MYBPC2: variants seen among roughly 807,000 people sequenced by gnomAD.
MYBPC2 encodes myosin-binding protein C, fast-type.
Under a neutral mutation model 137.0 loss-of-function variants are expected in MYBPC2, and 122 were observed. The observed-to-expected ratio is 0.89, with a 90% CI of 0.77 to 1.03. The LOEUF (loss-of-function observed/expected upper bound fraction) is 1.03. Among genes scored for constraint, MYBPC2 ranks in the 50% least tolerant of loss-of-function variants. The pLI, the probability that MYBPC2 is intolerant of heterozygous loss-of-function variation, is 0.00. For synonymous variants in MYBPC2, 626 were observed against 612.3 expected (o/e 1.02, Z -0.33); for missense variants, 1,500 against 1,534.4 (o/e 0.98, Z 0.37).
At position 50,465,024 on chromosome 19, in the gene MYBPC2, C is replaced by G. The variant is rs1213374245; in HGVS notation, c.3415+492C>G. On this transcript the variant is annotated intron_variant, in intron 27 of 27. Transcript: ENST00000357701. This position sits in a 1 kb window ranked among gnomAD's most constrained non-coding sequence, Gnocchi z 4.5. ...CTCCAGCCCCAGCGAAAGCTACATCCTCTTCCTCCCATATTCCATTTCCAG... is the reference window on the plus strand; with the variant it reads ...CTCCAGCCCCAGCGAAAGCTACATCGTCTTCCTCCCATATTCCATTTCCAG... Among the ~76,000 whole-genome samples, 3 of 152,078 alleles carry G rather than the reference C, an allele frequency of 2.0e-5. No homozygotes were observed. The highest frequency in any genetic ancestry group is 3.9e-4 in the East Asian group (2 of 5,152).
chr19:50,444,713 T>C (rs1253139700), intron 11 of MYBPC2, among the ~76,000 whole-genome samples: 1 of 151,586 alleles, frequency 6.6e-6, no homozygotes, highest in Non-Finnish European at 1.5e-5. Flanking sequence ...ACCCCGTTTC[T>C]ACTAAAAATA....
chr19:50,437,960 T>G (rs2039719031), intron 7 of MYBPC2, among the ~76,000 whole-genome samples: 1 of 152,032 alleles, frequency 6.6e-6, no homozygotes, highest in African/African-American at 2.4e-5. Context: ...ACATCTGCCA[T>G]GAGTTCACCC....
At position 50,437,718 on chromosome 19, in the gene MYBPC2, G is replaced by A. The variant is rs1283716154; in HGVS notation, c.572G>A (p.Arg191Lys). ...GATTTCAGTGGCCTGTTGAAGAAGA[G>A]GTGAGCCCCGGACTTGGCACAGAGA... ...ELDFSGLLKK[R>K]EVVEEEKKKK... Residue 191 changes from arginine to lysine, a missense_variant and splice_region_variant, in exon 7 of 28, where the codon AGG (arginine) becomes AAG (lysine). Transcript: ENST00000357701. The A allele has an allele frequency of 1.2e-6, 2 of 1,600,964 alleles. No homozygotes were observed. Among genetic ancestry groups the A allele is most frequent in the African/African-American group, 2.7e-5 (2 of 74,806 alleles).
chr19:50,457,069 TCTAA>T lies in MYBPC2; in HGVS notation c.2338+1428_2338+1431del, dbSNP rs549477791. On this transcript the variant is annotated intron_variant, in intron 20 of 27. Coordinates refer to ENST00000357701, the MANE Select transcript of MYBPC2 (RefSeq NM_004533.4). ...GGGTTCCAACCTTGCCCCTCCACTG[TCTAA>T]CTGTGTGTCCTTGGGCAAGTCTCTG... is the stretch of plus-strand genomic sequence containing the variant. Among the ~76,000 whole-genome samples, 327 of 152,296 alleles carry T rather than the reference TCTAA, an allele frequency of 2.1e-3. 1 individual carries two copies. Among genetic ancestry groups the T allele is most frequent in the Non-Finnish European group, 4.2e-3 (283 of 68,026 alleles).
chr19:50,451,123 C>A (rs897729041), intron 14 of MYBPC2, among the ~76,000 whole-genome samples, 157 bp from the exon 15 acceptor site: 2 of 152,128 alleles, frequency 1.3e-5, no homozygotes, highest in Non-Finnish European at 2.9e-5. Context: ...CACCTGCCGC[C>A]CGGGAGGAGG....
intron 11 of MYBPC2, among the ~76,000 whole-genome samples, chr19:50,444,656 G>A (rs1232301923): frequency 3.3e-5 from 5 of 152,000 alleles, no homozygotes; most frequent in African/African-American, 9.6e-5. Flanking sequence ...CGAGACGGGC[G>A]GATCACGAGG....
intron 20 of MYBPC2, among the ~76,000 whole-genome samples, chr19:50,457,688 T>TTTTG (rs1555797879): frequency 2.7e-5 from 4 of 150,200 alleles, no homozygotes; most frequent in African/African-American, 9.9e-5. Context: ...AAGTTTTTTT[T>TTTTG]TTTTTTTTTT....
chr19:50,444,222 T>TCATC (rs766978378), intron 11 of MYBPC2, among the ~76,000 whole-genome samples: 119 of 142,696 alleles, frequency 8.3e-4, no homozygotes, highest in African/African-American at 2.5e-3. Flanking sequence ...ATCCATCCAC[T>TCATC]CATCCATCCA....
At chr19:50,454,497 C>G (rs752049992) in intron 18 of MYBPC2, 128 bp downstream of exon 18, 29 of 780,382 alleles carry the variant, frequency 3.7e-5, no homozygotes, top group Non-Finnish European at 5.3e-5. Context: ...TCAATCTCGG[C>G]TCACTGCAAC....
rs567660179 is a variant in MYBPC2, at chr19:50,443,283, A to G, written c.903-211A>G. 4.0e-3 allele frequency among the ~76,000 whole-genome samples: 608 copies of G among 152,216 alleles called. 3 individuals carry two copies. The highest frequency in any genetic ancestry group is 0.014 in the African/African-American group (587 of 41,542). On this transcript the variant is annotated intron_variant, in intron 9 of 27. Transcript: ENST00000357701. The stretch of plus-strand genomic sequence containing the variant: ...GGTTGCAGTGAGCTGTGATCGCACC[A>G]CTGCACTCTAGCCTGGGTGACAGAG...
At position 50,435,843 on chromosome 19, in the gene MYBPC2, C is replaced by T; in HGVS notation, c.177C>T (p.Asp59=). The change falls in exon 3 of 28, where the codon GAC becomes GAT. Residue 59 remains aspartate (D), a synonymous_variant. Coordinates refer to ENST00000357701, the MANE Select transcript of MYBPC2 (RefSeq NM_004533.4). The surrounding 1 kb of genome is among the most constrained non-coding windows in gnomAD (Gnocchi z 4.8). ...EPTGVFLKKP[D]SVSVETGKDA... is the part of the protein sequence containing the mutation. ...CCGGCGTTTTCCTGAAGAAGCCGGA[C>T]TCCGTCTCAGTGGAGACTGGTGAGG... The T allele has an allele frequency of 6.2e-7, 1 of 1,601,786 alleles. No individual in the cohort carries two copies. Among genetic ancestry groups the T allele is most frequent in the Non-Finnish European group, 8.5e-7 (1 of 1,173,994 alleles).
chr19:50,463,812 G>A (rs745894419), intron 26 of MYBPC2, among the ~76,000 whole-genome samples: 7 of 152,100 alleles, frequency 4.6e-5, no homozygotes, highest in Admixed American at 1.3e-4. Context: ...GGTGGCAGGC[G>A]CCTCTAATCC....
intron 11 of MYBPC2, among the ~76,000 whole-genome samples, chr19:50,444,879 CAAAA>C (rs34557075): frequency 9.5e-4 from 64 of 67,252 alleles, no homozygotes; most frequent in South Asian, 2.1e-3. Context: ...GACTCCGTCT[CAAAA>C]AAAAAAAAAA....
chr19:50,452,998 C>T (rs914951643), intron 16 of MYBPC2, among the ~76,000 whole-genome samples: 9 of 152,208 alleles, frequency 5.9e-5, no homozygotes, highest in Non-Finnish European at 8.8e-5. Flanking sequence ...GCTCAACATC[C>T]ATCCATTTGC....
chr19:50,454,582 C>T (rs1462687360), intron 18 of MYBPC2, among the ~76,000 whole-genome samples: 5 of 151,846 alleles, frequency 3.3e-5, no homozygotes, highest in African/African-American at 4.8e-5. Flanking sequence ...CCCACCACCA[C>T]GCCCGGCTAA....
intron 9 of MYBPC2, among the ~76,000 whole-genome samples, chr19:50,442,854 T>G (rs576255327): frequency 2.6e-5 from 4 of 151,674 alleles, no homozygotes; most frequent in South Asian, 2.1e-4. Flanking sequence ...CTCAGTTCAC[T>G]GCAACCTCTG....
chr19:50,466,064 G>A lies in MYBPC2; in HGVS notation c.3416-131G>A, dbSNP rs369920512. On this transcript the variant is annotated intron_variant, in intron 27 of 27. Coordinates refer to ENST00000357701, the MANE Select transcript of MYBPC2 (RefSeq NM_004533.4). This position sits in a 1 kb window ranked among gnomAD's most constrained non-coding sequence, Gnocchi z 4.9. Reference sequence around the variant, plus strand: ...GACTCTGGGTTGTCCAGCCACAGTGGCCTAGGATGGGGCGGGATGGTGACC... The same window carrying A: ...GACTCTGGGTTGTCCAGCCACAGTGACCTAGGATGGGGCGGGATGGTGACC... The A allele has an allele frequency of 1.5e-5, 19 of 1,295,998 alleles. No homozygotes were observed. In the South Asian group the frequency reaches 2.0e-4, roughly 13 times the overall value. 80.3% of individuals were successfully genotyped at this position (1,295,998 alleles called of 1,614,324 possible).
rs2004423 is a variant in MYBPC2 at position 50,436,610 on chromosome 19, G to A, written c.346-7G>A. The A allele has an allele frequency of 0.27, 438,667 of 1,612,132 alleles. 60,585 individuals are homozygous for A. The highest frequency in any genetic ancestry group is 0.35 in the East Asian group (15,880 of 44,836). On this transcript the variant is annotated splice_polypyrimidine_tract_variant and splice_region_variant and intron_variant, in intron 4 of 27. Coordinates refer to ENST00000357701, the MANE Select transcript of MYBPC2 (RefSeq NM_004533.4). ...CCGTGCACCCACACCCCCGGCCCTG[G>A]ACCCAGGTGTACACCGTGGAGCTGC...
chr19:50,459,963 G>A (rs1434296735), intron 23 of MYBPC2, 77 bp from the exon 24 acceptor site: 4 of 1,527,080 alleles, frequency 2.6e-6, no homozygotes, highest in Non-Finnish European at 3.5e-6. Context: ...GAGGGAGGGG[G>A]TGTGGAGAGG....
Sources: allele counts gnomAD v4.1 joint callset (sites outside exome capture counted in the v4.1 genomes callset), GRCh38; gene constraint gnomAD v4.1.1; non-coding constraint Gnocchi (gnomAD v3.1); transcripts MANE v1.5; gene names NCBI Gene and HGNC (gene_info 2026-07-23, HGNC 2026-07-21).